The following ALK variants were observed in gnomAD, a reference collection of about 807,000 sequenced individuals.
The protein encoded by ALK is ALK receptor tyrosine kinase.
In ALK, 74 loss-of-function variants were observed where a neutral mutation model predicts 163.1. That is an observed-to-expected ratio of 0.45 (90% CI 0.38 to 0.55). ALK has a LOEUF of 0.55. ALK is among the 20% of genes least tolerant of loss of function. The pLI, the probability that ALK is intolerant of heterozygous loss-of-function variation, is 0.00. For missense variants in ALK, 2,063 were observed against 2,105.3 expected (o/e 0.98, Z 0.39); for synonymous variants, 960 against 843.2 (o/e 1.14, Z -2.40).
rs1665506364 is a variant in ALK, at chr2:29,275,307, T to A, written c.1913-80A>T. 22 of 1,609,902 alleles carry A rather than the reference T, an allele frequency of 1.4e-5. No individual in the cohort carries two copies. In the South Asian group the frequency reaches 2.4e-4, roughly 18 times the overall value. On this transcript the variant is annotated intron_variant, in intron 10 of 28. Transcript: ENST00000389048. ...AGAGATGATTTCACACTGAGGGAGG[T>A]GGGAGAGACAGTCAGGCTTAGGCTG... is the stretch of plus-strand genomic sequence containing the variant.
At chr2:29,372,633 G>A (rs561934218) in intron 5 of ALK, among the ~76,000 whole-genome samples, 36 of 152,260 alleles carry the variant, frequency 2.4e-4, no homozygotes, top group African/African-American at 7.2e-4. Context: ...CATTTCGCAC[G>A]TGAATTATCT....
chr2:29,645,386 C>T (rs1455308493), intron 3 of ALK, among the ~76,000 whole-genome samples: 2 of 152,122 alleles, frequency 1.3e-5, no homozygotes, highest in Non-Finnish European at 2.9e-5. Context: ...AACTTGGCTT[C>T]TTTCATATAA....
intron 1 of ALK, among the ~76,000 whole-genome samples, chr2:29,870,270 G>A (rs1003452895): frequency 3.3e-5 from 5 of 152,196 alleles, no homozygotes; most frequent in Non-Finnish European, 5.9e-5. Flanking sequence ...GGCTGTACAG[G>A]CTAATGCTTC....
intron 3 of ALK, among the ~76,000 whole-genome samples, chr2:29,554,591 T>C (rs1335616890): frequency 6.6e-6 from 1 of 152,170 alleles, no homozygotes; most frequent in African/African-American, 2.4e-5. Context: ...GGAAGGAAGA[T>C]CTGGCAATGT....
chr2:29,449,121 T>C (rs534569284), intron 4 of ALK, among the ~76,000 whole-genome samples: 34 of 152,216 alleles, frequency 2.2e-4, no homozygotes, highest in Non-Finnish European at 3.5e-4. Flanking sequence ...TGCCATATCA[T>C]ATGATTTATT....
intron 1 of ALK, among the ~76,000 whole-genome samples, chr2:29,883,531 A>G (rs778515492): frequency 1.3e-4 from 20 of 152,242 alleles, no homozygotes; most frequent in African/African-American, 3.9e-4. Flanking sequence ...TATCTCCCCA[A>G]CTGTGTCTAG....
At chr2:29,275,578 G>T in intron 9 of ALK, 82 bp from the exon 10 acceptor site, 1 of 1,405,084 alleles carries the variant, frequency 7.1e-7, no homozygotes, top group African/African-American at 1.4e-5. Context: ...GGTGTGTGCT[G>T]ATCACCTGGC....
chr2:29,698,178 C>T (rs1191699885), intron 2 of ALK, among the ~76,000 whole-genome samples: 1 of 152,178 alleles, frequency 6.6e-6, no homozygotes, highest in East Asian at 1.9e-4. Flanking sequence ...GCCACTTGCT[C>T]TACAGTTGGT....
At chr2:29,322,270 A>G (rs1667081234) in intron 6 of ALK, among the ~76,000 whole-genome samples, 1 of 152,168 alleles carries the variant, frequency 6.6e-6, no homozygotes, top group East Asian at 1.9e-4. Flanking sequence ...CATTTCCCCC[A>G]GATTCTCTGT....
chr2:29,695,115 A>C, intron 2 of ALK, 101 bp from the exon 3 acceptor site: 3 of 1,344,716 alleles, frequency 2.2e-6, no homozygotes, highest in Non-Finnish European at 3.2e-6. Context: ...ATCTCCCCAC[A>C]TCCTTTGCCC....
Position 29,328,627 on chromosome 2 carries a change from G to C in ALK, c.1283-146C>G, listed in dbSNP as rs4549035. The C allele has an allele frequency of 0.094, 106,024 of 1,129,148 alleles. 6,147 individuals are homozygous for C. The highest frequency in any genetic ancestry group is 0.21 in the African/African-American group (13,624 of 65,142). 69.9% of individuals were successfully genotyped at this position (1,129,148 alleles called of 1,614,324 possible). A position where few individuals can be genotyped will look rare whatever the true frequency, so the allele number is the denominator to read the frequency against. On this transcript the variant is annotated intron_variant, in intron 5 of 28. Coordinates refer to ENST00000389048, the MANE Select transcript of ALK (RefSeq NM_004304.5). ...ACTCCAAGGCCTGATTGAGACATCT[G>C]CATCTCCATCTGGCCAACCCAGGGC...
intron 1 of ALK, among the ~76,000 whole-genome samples, chr2:29,780,148 T>C (rs978699995): frequency 6.6e-6 from 1 of 152,244 alleles, no homozygotes; most frequent in Non-Finnish European, 1.5e-5. Flanking sequence ...GTCTACACAC[T>C]GCATTCATCT....
chr2:29,804,104 T>C (rs1276512882), intron 1 of ALK, among the ~76,000 whole-genome samples: 2 of 152,250 alleles, frequency 1.3e-5, no homozygotes, highest in Non-Finnish European at 2.9e-5. Flanking sequence ...TTTTTGCTCA[T>C]TACAGCATTG....
intron 4 of ALK, among the ~76,000 whole-genome samples, chr2:29,443,897 G>A (rs567491198): frequency 3.3e-5 from 5 of 152,236 alleles, no homozygotes; most frequent in African/African-American, 7.2e-5. Flanking sequence ...AACTTCAAAC[G>A]TACCTAGGAT....
At chr2:29,889,851 T>G (rs576816318) in intron 1 of ALK, among the ~76,000 whole-genome samples, 2 of 152,204 alleles carry the variant, frequency 1.3e-5, no homozygotes, top group Non-Finnish European at 2.9e-5. Context: ...TGTAGTCATT[T>G]CATCTCTTTA....
intron 3 of ALK, among the ~76,000 whole-genome samples, chr2:29,575,001 C>T (rs1197673709): frequency 6.6e-6 from 1 of 152,214 alleles, no homozygotes; most frequent in African/African-American, 2.4e-5. Context: ...ACCAGCGGCA[C>T]TCCAGCTGCA....
At chr2:29,295,213 A>G (rs558284328) in intron 9 of ALK, among the ~76,000 whole-genome samples, 1 of 152,338 alleles carries the variant, frequency 6.6e-6, no homozygotes, top group South Asian at 2.1e-4. Context: ...GGGAAGAAGG[A>G]GGCTGAGAAC....
chr2:29,894,640 T>A (rs1667223977), intron 1 of ALK, among the ~76,000 whole-genome samples: 1 of 152,040 alleles, frequency 6.6e-6, no homozygotes, highest in Admixed American at 6.6e-5. Context: ...CCAGGATAAT[T>A]TCTTCTAGTA....
intron 1 of ALK, among the ~76,000 whole-genome samples, chr2:29,855,220 T>A (rs540406779): frequency 6.6e-6 from 1 of 152,358 alleles, no homozygotes; most frequent in South Asian, 2.1e-4. Flanking sequence ...TCATTTAATC[T>A]TCACAGCCTC....
Sources: allele counts gnomAD v4.1 joint callset (sites outside exome capture counted in the v4.1 genomes callset), GRCh38; gene constraint gnomAD v4.1.1; transcripts MANE v1.5; gene names NCBI Gene and HGNC (gene_info 2026-07-23, HGNC 2026-07-21).